TAB1: variants seen among roughly 807,000 people sequenced by gnomAD.
TAB1 encodes TGF-beta activated kinase 1 (MAP3K7) binding protein 1.
Under a neutral mutation model 54.5 loss-of-function variants are expected in TAB1, and 30 were observed. The ratio of observed to expected loss-of-function variants is 0.55; its 90% confidence interval spans 0.41 to 0.75. The LOEUF is 0.75. Ranked by LOEUF, TAB1 falls within the 30% of genes least tolerant of loss-of-function variation. The probability of loss-of-function intolerance (pLI) is 0.00; values close to 1 mark genes in which losing one functional copy is unlikely to be tolerated. For missense variants in TAB1, 609 were observed against 683.2 expected (o/e 0.89, Z 1.21); for synonymous variants, 289 against 286.9 (o/e 1.01, Z -0.07).
chr22:39,402,553 T>A (rs1394867803), intron 1 of TAB1, among the ~76,000 whole-genome samples: 1 of 152,088 alleles, frequency 6.6e-6, no homozygotes, highest in Admixed American at 6.6e-5. Context: ...AGCAAAAAGC[T>A]TTTTTGTGGG....
chr22:39,429,488 T>C (rs935048787), intron 10 of TAB1: 5 of 576,654 alleles, frequency 8.7e-6, no homozygotes, highest in Non-Finnish European at 8.8e-6. Context: ...TTTCTTTCCA[T>C]TTTTTTGAGA....
chr22:39,422,473 A>T (rs1927138232), intron 8 of TAB1, among the ~76,000 whole-genome samples: 1 of 129,972 alleles, frequency 7.7e-6, no homozygotes, highest in Non-Finnish European at 1.5e-5. Flanking sequence ...CAGTGGCATG[A>T]TCTCGGCTCA....
In TAB1 at chr22:39,431,351, G is replaced by T. The variant is rs1051852603; in HGVS notation, c.*1129G>T. ...ACTCCTGTTTCAGAGGAAGCAGGCCGAGAGACTTGCACCTTGGCCAAGCCA... is the reference window on the plus strand; with the variant it reads ...ACTCCTGTTTCAGAGGAAGCAGGCCTAGAGACTTGCACCTTGGCCAAGCCA... On this transcript the variant is annotated 3_prime_UTR_variant, in exon 11 of 11. Transcript: ENST00000216160. 1 of 985,416 alleles carries T rather than the reference G, an allele frequency of 1.0e-6. No individual in the cohort carries two copies. The highest frequency in any genetic ancestry group is 1.7e-5 in the African/African-American group (1 of 57,226). 61.0% of individuals were successfully genotyped at this position (985,416 alleles called of 1,614,324 possible).
downstream of TAB1, among the ~76,000 whole-genome samples, chr22:39,434,272 C>T (rs1927702956): frequency 6.6e-6 from 1 of 152,256 alleles, no homozygotes; most frequent in South Asian, 2.1e-4. Context: ...CCTATGGGCA[C>T]CCTTGTGCCA....
downstream of TAB1, chr22:39,433,658 G>A (rs1927672222): frequency 1.0e-6 from 1 of 985,440 alleles, no homozygotes; most frequent in African/African-American, 1.7e-5. Flanking sequence ...GCTGGCAGCA[G>A]AGCCAGGAGC....
chr22:39,416,124 A>G (rs530765515), intron 3 of TAB1, among the ~76,000 whole-genome samples: 1 of 152,230 alleles, frequency 6.6e-6, no homozygotes, highest in African/African-American at 2.4e-5. Flanking sequence ...TCCTCCTGGC[A>G]TCTGCTTTCA....
In TAB1 at chr22:39,399,827, C is replaced by G. The variant is rs370235593; in HGVS notation, c.25C>G (p.Leu9Val). Residue 9 changes from leucine (L) to valine (V), a missense_variant, in exon 1 of 11, where the codon CTG becomes GTG. Coordinates refer to ENST00000216160, the MANE Select transcript of TAB1 (RefSeq NM_006116.3). MAAQRRSL[L>V]QSEQQPSWTD... The stretch of plus-strand genomic sequence containing the variant: ...GATGGCGGCGCAGAGGAGGAGCTTG[C>G]TGCAGAGTGTGAGGAACAGGCCCGC... 7 of 1,597,498 alleles carry G rather than the reference C, an allele frequency of 4.4e-6. No homozygotes were observed. The South Asian group carries it at 5.7e-5, about 13-fold the overall frequency.
intron 7 of TAB1, among the ~76,000 whole-genome samples, chr22:39,421,507 C>G (rs1927090087): frequency 6.6e-6 from 1 of 152,208 alleles, no homozygotes. Context: ...ATCCCTCCCT[C>G]TTGCTGTCCC....
intron 1 of TAB1, 101 bp downstream of exon 1, chr22:39,399,936 T>A: frequency 7.7e-7 from 1 of 1,294,126 alleles, no homozygotes; most frequent in Non-Finnish European, 1.1e-6. Context: ...ACAGCCACCC[T>A]CTCCGTGGTG....
intron 10 of TAB1, 80 bp from the exon 11 acceptor site, chr22:39,429,935 G>A: frequency 1.3e-6 from 2 of 1,582,746 alleles, no homozygotes; most frequent in Non-Finnish European, 1.7e-6. Flanking sequence ...GGTAGAGGCA[G>A]GGGCCATTCT....
At chr22:39,416,990 G>A (rs1340437611) in intron 4 of TAB1, 113 bp downstream of exon 4, 1 of 994,692 alleles carries the variant, frequency 1.0e-6, no homozygotes, top group East Asian at 2.6e-5. Context: ...GCGTTAGGGA[G>A]CAGTTCCTGA....
rs1568987344 is a variant in TAB1, at chr22:39,428,101, C to T, written c.1225C>T (p.Leu409Phe). ...CAGCAAGACCAGCGTGACCCTCTCC[C>T]TTGTCATGCCCTCCCAGGGCCAGAT... The part of the protein sequence containing the change: ...STSKTSVTLS[L>F]VMPSQGQMVN... The change falls in exon 10 of 11, where the codon CTT becomes TTT. Residue 409 changes from leucine to phenylalanine, a missense_variant. Transcript: ENST00000216160. 6.2e-7 allele frequency: 1 copy of T among 1,613,928 alleles called. No individual in the cohort carries two copies. Among genetic ancestry groups the T allele is most frequent in the Non-Finnish European group, 8.5e-7 (1 of 1,179,814 alleles).
chr22:39,433,460 A>AT, downstream of TAB1: 1 of 983,944 alleles, frequency 1.0e-6, no homozygotes, highest in Non-Finnish European at 1.2e-6. Flanking sequence ...CTCAAGAAAA[A>AT]AAAAAAAGAC....
At chr22:39,433,942 A>G (rs144763601), downstream of TAB1, 1 of 512,548 alleles carries the variant, frequency 2.0e-6, no homozygotes, top group African/African-American at 2.3e-5. Context: ...CTCAGCCTGT[A>G]TCCGTGTCGC....
At chr22:39,433,408 A>G (rs1260448113), downstream of TAB1, 2 of 944,662 alleles carry the variant, frequency 2.1e-6, no homozygotes, top group African/African-American at 1.8e-5. Context: ...CCAAGATAGC[A>G]CCACTGCACT....
At chr22:39,412,242 A>G (rs1213162669) in intron 1 of TAB1, among the ~76,000 whole-genome samples, 1 of 152,074 alleles carries the variant, frequency 6.6e-6, no homozygotes, top group African/African-American at 2.4e-5. Flanking sequence ...GTTTCGCCAC[A>G]TTGGCCAGGC....
chr22:39,421,154 T>C (rs748131976), intron 7 of TAB1, among the ~76,000 whole-genome samples: 4 of 151,832 alleles, frequency 2.6e-5, no homozygotes, highest in South Asian at 2.1e-4. Context: ...ACTTGATGAG[T>C]TTGGAGATAT....
chr22:39,436,600 C>G (rs376564260), downstream of TAB1: 25 of 1,556,978 alleles, frequency 1.6e-5, no homozygotes, highest in African/African-American at 3.1e-4. Flanking sequence ...AAGGGGCCCT[C>G]TGGGAGCTGA....
chr22:39,417,698 T>A lies in TAB1; in HGVS notation c.412-13T>A. ...AGTTCTGTCCTGCCCTGACCCTCTGTTGATGGTTGTAGGGAGTCCCTCAGC... is the reference window on the plus strand; with the variant it reads ...AGTTCTGTCCTGCCCTGACCCTCTGATGATGGTTGTAGGGAGTCCCTCAGC... On this transcript the variant is annotated splice_polypyrimidine_tract_variant and intron_variant, in intron 4 of 10. Coordinates refer to ENST00000216160, the MANE Select transcript of TAB1 (RefSeq NM_006116.3). The A allele has an allele frequency of 6.3e-7, 1 of 1,598,882 alleles. No homozygotes were observed. Among genetic ancestry groups the A allele is most frequent in the Non-Finnish European group, 8.5e-7 (1 of 1,172,582 alleles).
Sources: allele counts gnomAD v4.1 joint callset (sites outside exome capture counted in the v4.1 genomes callset), GRCh38; gene constraint gnomAD v4.1.1; transcripts MANE v1.5; gene names NCBI Gene and HGNC (gene_info 2026-07-23, HGNC 2026-07-21).